NEBL: variants seen among roughly 807,000 people sequenced by gnomAD.
NEBL encodes the protein LIM and SH3 protein 2.
Under a neutral mutation model 140.2 loss-of-function variants are expected in NEBL, and 122 were observed. The observed-to-expected ratio is 0.87, with a 90% CI of 0.75 to 1.01. NEBL has a LOEUF of 1.01. NEBL is among the 50% of genes least tolerant of loss of function. NEBL has a pLI of 0.00. For synonymous variants in NEBL, 436 were observed against 398.9 expected, an observed-to-expected ratio of 1.09 and a Z score of -1.11; for missense variants, 1,365 against 1,231.3, an observed-to-expected ratio of 1.11 and a Z score of -1.62.
At chr10:21,168,449 G>C (rs1039812534) in intron 2 of NEBL, among the ~76,000 whole-genome samples, 1 of 152,026 alleles carries the variant, frequency 6.6e-6, no homozygotes, top group African/African-American at 2.4e-5. Flanking sequence ...TTGAATAACT[G>C]ATATTGAATC....
chr10:21,289,033 G>C (rs1843107071), intron 1 of NEBL, among the ~76,000 whole-genome samples: 1 of 150,320 alleles, frequency 6.7e-6, no homozygotes, highest in East Asian at 2.0e-4. Context: ...TTTTTTAGTA[G>C]AGACAGGGTT....
chr10:21,146,361 A>T (rs1361502136), intron 2 of NEBL: 1 of 1,613,218 alleles, frequency 6.2e-7, no homozygotes, highest in African/African-American at 1.3e-5. Context: ...TCTGGAATGT[A>T]CATTTCAGCC....
intron 2 of NEBL, among the ~76,000 whole-genome samples, chr10:21,028,704 T>C (rs1833644527): frequency 6.6e-6 from 1 of 151,322 alleles, no homozygotes; most frequent in Non-Finnish European, 1.5e-5. Context: ...TAAGATTACA[T>C]AAATTCAAAT....
At chr10:21,070,251 T>C (rs566251638) in intron 2 of NEBL, among the ~76,000 whole-genome samples, 19 of 152,294 alleles carry the variant, frequency 1.2e-4, no homozygotes, top group Admixed American at 5.2e-4. Flanking sequence ...GTGTCTGCTA[T>C]GAAAAGAAAA....
intron 2 of NEBL, among the ~76,000 whole-genome samples, chr10:21,130,029 T>C (rs1407705919): frequency 2.0e-5 from 3 of 152,016 alleles, no homozygotes; most frequent in Admixed American, 1.3e-4. Flanking sequence ...AAGTCATATA[T>C]ACATTTAAAG....
At chr10:21,036,956 T>C (rs1315900627) in intron 2 of NEBL, among the ~76,000 whole-genome samples, 2 of 152,122 alleles carry the variant, frequency 1.3e-5, no homozygotes, top group African/African-American at 4.8e-5. Context: ...TTTCGTTTTG[T>C]TTATTCCAGA....
At chr10:21,076,044 G>C (rs529440817) in intron 2 of NEBL, among the ~76,000 whole-genome samples, 1 of 152,238 alleles carries the variant, frequency 6.6e-6, no homozygotes, top group East Asian at 1.9e-4. Context: ...ACAGGGTCTT[G>C]GTGAGGATGT....
chr10:21,168,011 T>A (rs1177875282), intron 2 of NEBL, among the ~76,000 whole-genome samples: 1 of 152,212 alleles, frequency 6.6e-6, no homozygotes, highest in Non-Finnish European at 1.5e-5. Context: ...GCAAAATGGG[T>A]ATTACGCCCA....
chr10:20,915,827 C>T (rs1299581666), intron 4 of NEBL, among the ~76,000 whole-genome samples: 1 of 152,152 alleles, frequency 6.6e-6, no homozygotes, highest in Non-Finnish European at 1.5e-5. Context: ...TGAGGAATCA[C>T]CACACTGACT....
At chr10:20,835,704 T>G in intron 13 of NEBL, 81 bp from the exon 14 acceptor site, 2 of 942,154 alleles carry the variant, frequency 2.1e-6, no homozygotes. Flanking sequence ...AAAAAAAAAA[T>G]AGTTAGACAT....
At chr10:21,209,456 C>T (rs1209564508) in intron 3 of NEBL, among the ~76,000 whole-genome samples, 2 of 152,036 alleles carry the variant, frequency 1.3e-5, no homozygotes, top group African/African-American at 4.8e-5. Flanking sequence ...TTCATGGATA[C>T]ATTGCCCCTC....
intron 21 of NEBL, among the ~76,000 whole-genome samples, chr10:20,816,582 C>A (rs779493046): frequency 3.9e-5 from 6 of 152,182 alleles, no homozygotes; most frequent in Admixed American, 2.0e-4. Flanking sequence ...GTATCAATCA[C>A]CTGCCTTTGC....
At chr10:21,079,240 C>A (rs1290067051) in intron 2 of NEBL, among the ~76,000 whole-genome samples, 1 of 152,162 alleles carries the variant, frequency 6.6e-6, no homozygotes, top group East Asian at 1.9e-4. Flanking sequence ...GATAACAGGG[C>A]AAGACCAGAA....
intron 26 of NEBL, among the ~76,000 whole-genome samples, chr10:20,799,964 A>G (rs1223828260): frequency 1.3e-5 from 2 of 152,016 alleles, no homozygotes; most frequent in African/African-American, 2.4e-5. Context: ...GGAGAAAGAG[A>G]GAGCGCACGC....
chr10:21,279,330 C>T (rs1842963213), intron 1 of NEBL, among the ~76,000 whole-genome samples: 1 of 148,642 alleles, frequency 6.7e-6, no homozygotes, highest in African/African-American at 2.5e-5. Context: ...CCTCTGCTCC[C>T]TCTGTTGCCT....
At chr10:20,965,201 G>A (rs1311250413) in intron 3 of NEBL, among the ~76,000 whole-genome samples, 1 of 152,194 alleles carries the variant, frequency 6.6e-6, no homozygotes, top group African/African-American at 2.4e-5. Flanking sequence ...GAAGTCAATG[G>A]TCCCTGCCTT....
chr10:20,864,636 C>T (rs770319186), intron 7 of NEBL, among the ~76,000 whole-genome samples: 7 of 152,154 alleles, frequency 4.6e-5, no homozygotes, highest in Non-Finnish European at 8.8e-5. Flanking sequence ...CTTTTTCTCC[C>T]TGCATTCTAT....
At chr10:21,020,807 C>G (rs1838760894) in intron 2 of NEBL, among the ~76,000 whole-genome samples, 1 of 152,110 alleles carries the variant, frequency 6.6e-6, no homozygotes, top group Non-Finnish European at 1.5e-5. Flanking sequence ...TGCAGGCTCC[C>G]CTAAGTCTGT....
At chr10:20,975,724 T>C (rs908527349) in intron 3 of NEBL, among the ~76,000 whole-genome samples, 3 of 152,188 alleles carry the variant, frequency 2.0e-5, no homozygotes, top group African/African-American at 7.2e-5. Context: ...CCAGCATCTC[T>C]TGGACATGTT....
Sources: gnomAD v4.1 joint callset for allele counts (sites outside exome capture counted in the v4.1 genomes callset) on GRCh38, gnomAD v4.1.1 for gene constraint, MANE v1.5 for transcripts, NCBI Gene and HGNC (gene_info 2026-07-23, HGNC 2026-07-21) for gene names.